EML1: variants seen among roughly 807,000 people sequenced by gnomAD.
EML1 encodes echinoderm microtubule-associated protein-like 1.
EML1 carries 27 observed loss-of-function variants against 110.4 expected under a neutral mutation model. The ratio of observed to expected loss-of-function variants is 0.24; its 90% CI spans 0.18 to 0.34. The LOEUF (loss-of-function observed/expected upper bound fraction) is 0.34, where lower values mean the gene tolerates loss of function less well. Ranked by LOEUF, EML1 falls within the 10% of genes least tolerant of loss-of-function variation. The probability of loss-of-function intolerance (pLI) is 1.00; values close to 1 mark genes in which losing one functional copy is unlikely to be tolerated. For synonymous variants in EML1, 344 were observed against 385.8 expected (o/e 0.89, Z 1.27); for missense variants, 741 against 1,030.9 (o/e 0.72, Z 3.85).
chr14:99,878,418 G>A (rs1030473297), intron 3 of EML1, 67 bp from the exon 4 acceptor site: 6 of 1,536,788 alleles, frequency 3.9e-6, no homozygotes, highest in Non-Finnish European at 2.6e-6. Context: ...GTATATATTT[G>A]TATGCTTAGC....
At chr14:99,762,799 A>G (rs1447564846) in intron 1 of EML1, among the ~76,000 whole-genome samples, 1 of 152,200 alleles carries the variant, frequency 6.6e-6, no homozygotes, top group East Asian at 1.9e-4. Flanking sequence ...AACACTGTCT[A>G]AAAGTAAATT....
At chr14:99,787,089 G>T (rs2057608939) in intron 1 of EML1, among the ~76,000 whole-genome samples, 2 of 152,162 alleles carry the variant, frequency 1.3e-5, no homozygotes, top group Non-Finnish European at 2.9e-5. Flanking sequence ...AGGGACAGCT[G>T]CATCAGCAAG....
intron 1 of EML1, among the ~76,000 whole-genome samples, chr14:99,848,031 G>A (rs2058733182): frequency 6.6e-6 from 1 of 151,968 alleles, no homozygotes; most frequent in Non-Finnish European, 1.5e-5. Context: ...TAGAATTATT[G>A]CTATATTGGG....
At position 99,784,001 on chromosome 14, in the gene EML1, A is replaced by T. The variant is rs1249061355; in HGVS notation, c.-27+9988A>T. On this transcript the variant is annotated intron_variant, in intron 1 of 22. Coordinates refer to the EML1 transcript ENST00000327921. This position sits in a 1 kb window ranked among gnomAD's most constrained non-coding sequence, Gnocchi z 4.5. ...ATTGGTGGAGATGCTACGGTTGGAA[A>T]TTCATTTGCAATCTACTGCGGTGCC... Among the ~76,000 whole-genome samples the T allele has an allele frequency of 6.6e-6, 1 of 152,234 alleles. No individual in the cohort carries two copies. Among genetic ancestry groups the T allele is most frequent in the East Asian group, 1.9e-4 (1 of 5,204 alleles).
rs539169713 is a variant in EML1 at position 99,784,413 on chromosome 14, A to T, written c.-27+10400A>T. ...TGGCCTGCAAGGACATTTTAAAAAG[A>T]ATTAGCCAAGCAAATATTGCTTTTA... On this transcript the variant is annotated intron_variant, in intron 1 of 22. Transcript: ENST00000327921. The surrounding 1 kb of genome is among the most constrained non-coding windows in gnomAD (Gnocchi z 4.5). 6.6e-6 allele frequency among the ~76,000 whole-genome samples: 1 copy of T among 152,362 alleles called. No homozygotes were observed. The highest frequency in any genetic ancestry group is 2.4e-5 in the African/African-American group (1 of 41,590).
chr14:99,826,164 G>A (rs2058350338), intron 1 of EML1, among the ~76,000 whole-genome samples: 1 of 140,502 alleles, frequency 7.1e-6, no homozygotes, highest in African/African-American at 2.7e-5. Context: ...CCAGGCTGGA[G>A]TGCAGTGGCG....
intron 4 of EML1, among the ~76,000 whole-genome samples, 160 bp downstream of exon 4, chr14:99,878,779 A>G (rs1566913543): frequency 6.6e-6 from 1 of 152,182 alleles, no homozygotes; most frequent in Admixed American, 6.5e-5. Context: ...TCAAACAGCC[A>G]TTTGAGGGCA....
chr14:99,785,680 G>A (rs2057590989), intron 1 of EML1, among the ~76,000 whole-genome samples: 1 of 152,166 alleles, frequency 6.6e-6, no homozygotes, highest in African/African-American at 2.4e-5. Context: ...GTAAACACTT[G>A]GAAGGAAAAG....
chr14:99,920,887 C>G lies in EML1; in HGVS notation c.1909+10C>G. 1.3e-6 allele frequency: 2 copies of G among 1,599,022 alleles called. No homozygotes were observed. Among genetic ancestry groups the G allele is most frequent in the Non-Finnish European group, 1.7e-6 (2 of 1,175,440 alleles). On this transcript the variant is annotated intron_variant, in intron 17 of 21. Coordinates refer to ENST00000262233, the MANE Select transcript of EML1 (RefSeq NM_004434.3). ...ATGCGATACTCACCAGGTTAGACTC[C>G]AAACCATTCACTACTTTATTTTTTT...
intron 1 of EML1, among the ~76,000 whole-genome samples, chr14:99,807,181 G>A (rs550612645): frequency 1.3e-5 from 2 of 152,188 alleles, no homozygotes; most frequent in African/African-American, 4.8e-5. Context: ...AAAAGATTAC[G>A]TGCATTCTTT....
rs1015248382 is a variant in EML1 at position 99,850,720 on chromosome 14, G to A, written c.68-133G>A. ...AAGATTTCATGTGATTTCTGCTTAA[G>A]AGCAGTATCTGTAGTCCGTAAGTGT... On this transcript the variant is annotated intron_variant, in intron 1 of 21. Coordinates refer to ENST00000262233, the MANE Select transcript of EML1 (RefSeq NM_004434.3). 22 of 861,526 alleles carry A rather than the reference G, an allele frequency of 2.6e-5. No homozygotes were observed. The African/African-American group carries it at 3.6e-4, about 14-fold the overall frequency. 53.4% of individuals were successfully genotyped at this position (861,526 alleles called of 1,614,324 possible).
chr14:99,793,650 C>G (rs2057712385), intron 1 of EML1, 107 bp downstream of exon 1: 1 of 860,558 alleles, frequency 1.2e-6, no homozygotes, highest in Non-Finnish European at 1.4e-6. Flanking sequence ...CGGCCGCGGG[C>G]GAGGCCGCGC....
At chr14:99,872,180 G>C (rs2059216643) in intron 3 of EML1, among the ~76,000 whole-genome samples, 1 of 152,156 alleles carries the variant, frequency 6.6e-6, no homozygotes, top group African/African-American at 2.4e-5. Flanking sequence ...CAAACACCAA[G>C]TAAGGAAACA....
At chr14:99,835,595 C>T (rs1433327038) in intron 1 of EML1, among the ~76,000 whole-genome samples, 2 of 152,118 alleles carry the variant, frequency 1.3e-5, no homozygotes, top group African/African-American at 2.4e-5. Flanking sequence ...TTTCTAATGT[C>T]GATGTTGGGT....
chr14:99,866,390 C>T lies in EML1; in HGVS notation c.383+744C>T, dbSNP rs546499693. 6.6e-4 allele frequency among the ~76,000 whole-genome samples: 100 copies of T among 152,056 alleles called. 1 individual carries two copies. Among genetic ancestry groups the T allele is most frequent in the African/African-American group, 2.2e-3 (90 of 41,476 alleles). ...GTTCGAGACCAGCCTGACCAACAGGCGAAGCCCTATCTCTACTAAAAATAC... is the reference window on the plus strand; with the variant it reads ...GTTCGAGACCAGCCTGACCAACAGGTGAAGCCCTATCTCTACTAAAAATAC... On this transcript the variant is annotated intron_variant, in intron 3 of 21. Transcript: ENST00000262233.
At chr14:99,832,190 T>C (rs2058468065) in intron 1 of EML1, among the ~76,000 whole-genome samples, 2 of 152,334 alleles carry the variant, frequency 1.3e-5, no homozygotes, top group African/African-American at 4.8e-5. Context: ...TCATCCGTGC[T>C]GTTGCTTGTA....
intron 10 of EML1, among the ~76,000 whole-genome samples, chr14:99,908,309 C>T (rs879833101): frequency 6.6e-6 from 1 of 152,254 alleles, no homozygotes; most frequent in African/African-American, 2.4e-5. Flanking sequence ...CACAATATGT[C>T]AAATTCCCTT....
chr14:99,739,802 G>T (rs1481404873), intron 1 of EML1, among the ~76,000 whole-genome samples: 2 of 152,128 alleles, frequency 1.3e-5, no homozygotes, highest in Non-Finnish European at 2.9e-5. Flanking sequence ...CTGCCCGGCA[G>T]CAACCAGTGG....
chr14:99,927,207 A>G (rs1170841540), intron 17 of EML1, among the ~76,000 whole-genome samples: 1 of 152,204 alleles, frequency 6.6e-6, no homozygotes, highest in African/African-American at 2.4e-5. Context: ...AAAAGCCCAC[A>G]CAATGGTAAT....
Sources: gnomAD v4.1 joint callset for allele counts (sites outside exome capture counted in the v4.1 genomes callset) on GRCh38, gnomAD v4.1.1 for gene constraint, Gnocchi (gnomAD v3.1) non-coding constraint, MANE v1.5 for transcripts, NCBI Gene and HGNC (gene_info 2026-07-23, HGNC 2026-07-21) for gene names.